The following MCC variants were observed in gnomAD, a reference collection of about 807,000 sequenced individuals.
MCC encodes the protein colorectal mutant cancer protein.
Under a neutral mutation model 116.2 loss-of-function variants are expected in MCC, and 90 were observed. The observed-to-expected ratio is 0.77, with a 90% CI of 0.65 to 0.92. The LOEUF (loss-of-function observed/expected upper bound fraction) is 0.92. MCC is among the 40% of genes least tolerant of loss of function. The pLI, the probability that MCC is intolerant of heterozygous loss-of-function variation, is 0.00. For missense variants in MCC, 1,516 were observed against 1,312.2 expected (o/e 1.16, Z -2.40); for synonymous variants, 578 against 510.5 (o/e 1.13, Z -1.78).
chr5:113,327,561 A>ATAT (rs1554076392), intron 3 of MCC, among the ~76,000 whole-genome samples: 119 of 80,552 alleles, frequency 1.5e-3, no homozygotes, highest in South Asian at 2.8e-3. Flanking sequence ...AAAAAAAAAA[A>ATAT]ATATATATAT....
At chr5:113,260,722 T>C (rs1040644127) in intron 3 of MCC, among the ~76,000 whole-genome samples, 19 of 151,580 alleles carry the variant, frequency 1.3e-4, no homozygotes, top group Non-Finnish European at 2.1e-4. Context: ...TGTAGCTTTT[T>C]TTTTTGAAAT....
At chr5:113,367,755 G>C (rs1768737383) in intron 2 of MCC, among the ~76,000 whole-genome samples, 1 of 152,006 alleles carries the variant, frequency 6.6e-6, no homozygotes, top group Admixed American at 6.6e-5. Flanking sequence ...ATCAGGGTAG[G>C]GTATGCTGGC....
chr5:113,248,832 C>CTTTTTTTTTTT (rs1269527611), intron 3 of MCC, among the ~76,000 whole-genome samples: 15,586 of 135,690 alleles, frequency 0.11, 969 homozygotes, highest in Admixed American at 0.2. Flanking sequence ...TCTCTCTCTT[C>CTTTTTTTTTTT]TTTTTTTTTT....
chr5:113,095,323 G>A (rs929465927), intron 8 of MCC, among the ~76,000 whole-genome samples: 6 of 152,146 alleles, frequency 3.9e-5, no homozygotes, highest in African/African-American at 1.4e-4. Flanking sequence ...GGTACCAAGA[G>A]TTAACATCAA....
chr5:113,073,161 G>C (rs1247456255), intron 11 of MCC, among the ~76,000 whole-genome samples: 1 of 151,384 alleles, frequency 6.6e-6, no homozygotes, highest in Non-Finnish European at 1.5e-5. Flanking sequence ...TCTTCTTCCA[G>C]TGTGGCCCAG....
chr5:113,340,218 C>A (rs748346836), intron 3 of MCC, among the ~76,000 whole-genome samples: 1 of 152,170 alleles, frequency 6.6e-6, no homozygotes, highest in African/African-American at 2.4e-5. Context: ...ATGTCTAGAA[C>A]CATAGAAGTA....
chr5:113,230,885 C>T (rs1763915966), intron 3 of MCC, among the ~76,000 whole-genome samples: 1 of 152,092 alleles, frequency 6.6e-6, no homozygotes, highest in Non-Finnish European at 1.5e-5. Flanking sequence ...GCAAAACAGA[C>T]CATTATCTCA....
At chr5:113,397,129 A>T (rs1036989610) in intron 1 of MCC, among the ~76,000 whole-genome samples, 2 of 152,246 alleles carry the variant, frequency 1.3e-5, no homozygotes, top group Non-Finnish European at 2.9e-5. Flanking sequence ...TGTGATAATA[A>T]CATGAAGAGT....
At position 113,354,802 on chromosome 5, in the gene MCC, A is replaced by ATTATTATTATTATTATTACTATTATTG. The variant is rs59377042; in HGVS notation, c.416-14073_416-14072insCAATAATAGTAATAATAATAATAATAA. ...ACCCTGTATTATTATTATTATTATT[A>ATTATTATTATTATTATTACTATTATTG]TTATTCAACATCCAGAATTAATGGC... On this transcript the variant is annotated intron_variant, in intron 2 of 18. Transcript: ENST00000408903. 6.3e-4 allele frequency among the ~76,000 whole-genome samples: 94 copies of ATTATTATTATTATTATTACTATTATTG among 148,466 alleles called. 1 individual carries two copies. The highest frequency in any genetic ancestry group is 9.4e-4 in the Non-Finnish European group (63 of 67,214).
In MCC at chr5:113,267,936, A is replaced by G. The variant is rs35438713; in HGVS notation, c.627+72583T>C. ...AAAAAGGTATGTCTGCTAAAACATG[A>G]TCTTAAATTAGAATGAAATAAAGTG... On this transcript the variant is annotated intron_variant, in intron 3 of 18. Coordinates refer to ENST00000408903, the MANE Select transcript of MCC (RefSeq NM_001085377.2). Among the ~76,000 whole-genome samples the G allele has an allele frequency of 3.0e-3, 450 of 152,340 alleles. 1 individual carries two copies. The highest frequency in any genetic ancestry group is 5.6e-3 in the Admixed American group (85 of 15,304).
At chr5:113,446,880 C>T (rs1580386579) in intron 1 of MCC, among the ~76,000 whole-genome samples, 2 of 152,254 alleles carry the variant, frequency 1.3e-5, no homozygotes, top group African/African-American at 2.4e-5. Flanking sequence ...ATCAATCATA[C>T]CCCAAACCTC....
Position 113,028,971 on chromosome 5 carries a change from A to C in MCC, c.2842T>G (p.Ser948Ala), listed in dbSNP as rs1750766724. 4 of 1,613,932 alleles carry C rather than the reference A, an allele frequency of 2.5e-6. No individual in the cohort carries two copies. The highest frequency in any genetic ancestry group is 1.7e-4 in the Middle Eastern group (1 of 6,060). The change falls in exon 18 of 19, where the codon TCT becomes GCT. Residue 948 changes from serine to alanine, a missense_variant. Coordinates refer to ENST00000408903, the MANE Select transcript of MCC (RefSeq NM_001085377.2). Reference protein sequence around the residue: ...TKSSEIRHQQSAEFVNDLKRA... With the variant: ...TKSSEIRHQQAAEFVNDLKRA... ...TTTAGATCATTCACGAACTCTGCAGATTGCTGATGTCGGATTTCACTGCTC... is the reference window on the plus strand; with the variant it reads ...TTTAGATCATTCACGAACTCTGCAGCTTGCTGATGTCGGATTTCACTGCTC...
chr5:113,135,325 C>G (rs1278802221), intron 5 of MCC, among the ~76,000 whole-genome samples: 3 of 145,186 alleles, frequency 2.1e-5, no homozygotes, highest in African/African-American at 7.6e-5. Flanking sequence ...GAGGCCGAGG[C>G]GGGTGGATCA....
intron 2 of MCC, among the ~76,000 whole-genome samples, chr5:113,382,240 G>C (rs978820390): frequency 6.6e-6 from 1 of 150,912 alleles, no homozygotes; most frequent in African/African-American, 2.4e-5. Flanking sequence ...AGGACTAATT[G>C]AACATGTATA....
chr5:113,216,060 T>A (rs886479714), intron 3 of MCC, among the ~76,000 whole-genome samples: 2 of 152,260 alleles, frequency 1.3e-5, no homozygotes, highest in African/African-American at 4.8e-5. Context: ...AAATCTGACC[T>A]TCTACCTGTT....
intron 2 of MCC, among the ~76,000 whole-genome samples, chr5:113,351,909 T>G (rs1356923104): frequency 6.6e-6 from 1 of 152,200 alleles, no homozygotes. Flanking sequence ...TATTATGCCA[T>G]GTTAACAGAC....
intron 1 of MCC, among the ~76,000 whole-genome samples, chr5:113,467,539 C>CTA (rs1200456478): frequency 6.6e-6 from 1 of 152,024 alleles, no homozygotes; most frequent in Non-Finnish European, 1.5e-5. Flanking sequence ...TTCCATTGGT[C>CTA]TATATCTCTG....
At chr5:113,044,550 C>G in intron 16 of MCC, 3 of 842,208 alleles carry the variant, frequency 3.6e-6, no homozygotes, top group Non-Finnish European at 4.3e-6. Flanking sequence ...TGATCTGTTG[C>G]AGGAGATGGA....
chr5:113,158,630 C>T (rs1012535504), intron 3 of MCC, among the ~76,000 whole-genome samples: 2 of 152,186 alleles, frequency 1.3e-5, no homozygotes, highest in Non-Finnish European at 2.9e-5. Flanking sequence ...ATTTAACCAT[C>T]ACCACAATGC....
Sources: gnomAD v4.1 joint callset for allele counts (sites outside exome capture counted in the v4.1 genomes callset) on GRCh38, gnomAD v4.1.1 for gene constraint, MANE v1.5 for transcripts, NCBI Gene and HGNC (gene_info 2026-07-23, HGNC 2026-07-21) for gene names.